The following GRM7 variants were observed in gnomAD, a reference collection of about 807,000 sequenced individuals.
GRM7 encodes metabotropic glutamate receptor 7.
A neutral mutation model predicts 84.5 loss-of-function variants in GRM7; 35 were observed. The observed-to-expected ratio is 0.41, with a 90% CI of 0.32 to 0.55. The LOEUF is 0.55. Among genes scored for constraint, GRM7 ranks in the 20% least tolerant of loss-of-function variants. GRM7 has a pLI of 0.19. For synonymous variants in GRM7, 487 were observed against 455.1 expected (o/e 1.07, Z -0.89); for missense variants, 1,003 against 1,194.6 (o/e 0.84, Z 2.36).
Position 6,861,803 on chromosome 3 carries a change from G to A in GRM7, c.415G>A (p.Gly139Ser), listed in dbSNP as rs776294259. Residue 139 changes from glycine (G) to serine (S), a missense_variant, in exon 1 of 10, where the codon GGC becomes AGC. By Grantham distance (56) the Gly-to-Ser change is moderately conservative. Coordinates refer to ENST00000357716, the MANE Select transcript of GRM7 (RefSeq NM_000844.4). This position sits in a 1 kb window ranked among gnomAD's most constrained non-coding sequence, Gnocchi z 6.4. ...KDTSDVRCTN[G>S]EPPVFVKPEK... ...CACCTCCGACGTGCGCTGCACCAAC[G>A]GCGAACCGCCGGTTTTCGTCAAGCC... is the stretch of plus-strand genomic sequence containing the variant. The A allele has an allele frequency of 5.6e-6, 9 of 1,614,052 alleles. No individual in the cohort carries two copies. Among genetic ancestry groups the A allele is most frequent in the Admixed American group, 1.7e-5 (1 of 60,016 alleles).
At chr3:6,972,703 C>G (rs568738786) in intron 1 of GRM7, among the ~76,000 whole-genome samples, 1 of 152,140 alleles carries the variant, frequency 6.6e-6, no homozygotes, top group Non-Finnish European at 1.5e-5. Flanking sequence ...GAGAGCTCTG[C>G]GGTAAGGACG....
At chr3:7,080,145 G>A (rs552906745) in intron 1 of GRM7, among the ~76,000 whole-genome samples, 12 of 151,890 alleles carry the variant, frequency 7.9e-5, no homozygotes, top group Non-Finnish European at 1.0e-4. Context: ...AAACCTCTCC[G>A]AACTGTCTTT....
At chr3:7,270,803 T>TGGAG (rs1575105634) in intron 2 of GRM7, among the ~76,000 whole-genome samples, 2 of 152,324 alleles carry the variant, frequency 1.3e-5, no homozygotes, top group East Asian at 3.9e-4. Context: ...ACTTCGATTT[T>TGGAG]GGAGGTGGAA....
At chr3:7,016,776 A>G (rs17046549) in intron 1 of GRM7, among the ~76,000 whole-genome samples, 2,113 of 152,312 alleles carry the variant, frequency 0.014, 49 homozygotes, top group African/African-American at 0.047. Flanking sequence ...TTTAATCCTC[A>G]TGATTGCCAC....
At chr3:7,036,364 TGG>T (rs1696384335) in intron 1 of GRM7, among the ~76,000 whole-genome samples, 1 of 152,166 alleles carries the variant, frequency 6.6e-6, no homozygotes, top group Non-Finnish European at 1.5e-5. Context: ...ACTGGCTTTG[TGG>T]GGTGTGGGGA....
At chr3:6,919,413 G>A (rs1467285112) in intron 1 of GRM7, among the ~76,000 whole-genome samples, 2 of 143,810 alleles carry the variant, frequency 1.4e-5, no homozygotes, top group African/African-American at 2.6e-5. Context: ...CCACCATGTT[G>A]GCCAGGCTGG....
At chr3:7,352,861 C>T (rs1470276015) in intron 4 of GRM7, among the ~76,000 whole-genome samples, 3 of 152,070 alleles carry the variant, frequency 2.0e-5, no homozygotes, top group Admixed American at 2.0e-4. Context: ...GGTCCTCCAA[C>T]ATGTCCCTGT....
chr3:7,569,060 C>A (rs1371125731), intron 7 of GRM7, among the ~76,000 whole-genome samples: 2 of 152,170 alleles, frequency 1.3e-5, no homozygotes, highest in Admixed American at 6.5e-5. Context: ...GGCTCCTGAC[C>A]CTGGTGGGGA....
At chr3:7,713,016 G>A (rs552874694) in intron 9 of GRM7, among the ~76,000 whole-genome samples, 1 of 151,734 alleles carries the variant, frequency 6.6e-6, no homozygotes, top group Admixed American at 6.6e-5. Context: ...ACTAGATTAG[G>A]GCCCACCCTC....
chr3:7,448,378 A>G (rs1461000925), intron 5 of GRM7, among the ~76,000 whole-genome samples: 1 of 152,154 alleles, frequency 6.6e-6, no homozygotes, highest in Non-Finnish European at 1.5e-5. Context: ...CTAGAATTGT[A>G]TCCTATCCCT....
chr3:7,092,180 A>T (rs951454946), intron 1 of GRM7, among the ~76,000 whole-genome samples: 15 of 152,096 alleles, frequency 9.9e-5, no homozygotes, highest in Non-Finnish European at 2.2e-4. Flanking sequence ...GTTTCTTTTA[A>T]TCCGTGAAGT....
At chr3:7,705,926 C>T (rs146061500) in intron 9 of GRM7, among the ~76,000 whole-genome samples, 229 of 152,248 alleles carry the variant, frequency 1.5e-3, no homozygotes, top group East Asian at 0.014. Context: ...CTCTAGCTGC[C>T]ACATGGAACA....
chr3:7,739,366 T>A (rs1489639394), intron 9 of GRM7, among the ~76,000 whole-genome samples: 1 of 152,230 alleles, frequency 6.6e-6, no homozygotes, highest in Non-Finnish European at 1.5e-5. Flanking sequence ...GCTCTTGACA[T>A]TTCTCTGTCT....
At chr3:6,914,204 A>G (rs543150507) in intron 1 of GRM7, among the ~76,000 whole-genome samples, 1 of 152,208 alleles carries the variant, frequency 6.6e-6, no homozygotes, top group Non-Finnish European at 1.5e-5. Context: ...TAATCAATAA[A>G]CCATTAGTAG....
intron 5 of GRM7, among the ~76,000 whole-genome samples, chr3:7,417,605 A>C (rs1696220278): frequency 6.6e-6 from 1 of 152,134 alleles, no homozygotes; most frequent in African/African-American, 2.4e-5. Flanking sequence ...GTAGTCTGAC[A>C]CTGAAGATCT....
chr3:7,279,821 C>T (rs1436409234), intron 2 of GRM7, among the ~76,000 whole-genome samples: 1 of 152,128 alleles, frequency 6.6e-6, no homozygotes, highest in African/African-American at 2.4e-5. Context: ...GAGAAAGAGA[C>T]ACTTACAGTC....
At chr3:6,909,141 C>G (rs1302116551) in intron 1 of GRM7, among the ~76,000 whole-genome samples, 2 of 152,078 alleles carry the variant, frequency 1.3e-5, no homozygotes, top group African/African-American at 4.8e-5. Context: ...TATGGACATA[C>G]AAGAACATGA....
At chr3:7,404,389 C>T (rs1695587554) in intron 4 of GRM7, among the ~76,000 whole-genome samples, 1 of 152,134 alleles carries the variant, frequency 6.6e-6, no homozygotes, top group African/African-American at 2.4e-5. Context: ...CCATGGTCTT[C>T]CCCAGCTAGT....
intron 1 of GRM7, among the ~76,000 whole-genome samples, chr3:7,006,403 C>T (rs1262735989): frequency 1.3e-5 from 2 of 152,146 alleles, no homozygotes; most frequent in Non-Finnish European, 2.9e-5. Context: ...TCAATGGGAA[C>T]GCCCACAGAG....
Sources: allele counts gnomAD v4.1 joint callset (sites outside exome capture counted in the v4.1 genomes callset), GRCh38; gene constraint gnomAD v4.1.1; non-coding constraint Gnocchi (gnomAD v3.1); transcripts MANE v1.5; gene names NCBI Gene and HGNC (gene_info 2026-07-23, HGNC 2026-07-21).